GRID2: variants seen among roughly 807,000 people sequenced by gnomAD.
The protein encoded by GRID2 is glutamate receptor ionotropic, delta-2.
Under a neutral mutation model 114.8 loss-of-function variants are expected in GRID2, and 33 were observed. That is an observed-to-expected ratio of 0.29 (90% CI 0.22 to 0.38). GRID2 has a LOEUF of 0.38. GRID2 is among the 10% of genes least tolerant of loss of function. The probability of loss-of-function intolerance (pLI) is 1.00; values close to 1 mark genes in which losing one functional copy is unlikely to be tolerated. For synonymous variants in GRID2, 505 were observed against 449.9 expected (o/e 1.12, Z -1.55); for missense variants, 1,184 against 1,257.7 (o/e 0.94, Z 0.89).
intron 14 of GRID2, among the ~76,000 whole-genome samples, chr4:93,762,798 C>T (rs1353292022): frequency 6.6e-6 from 1 of 152,102 alleles, no homozygotes; most frequent in Non-Finnish European, 1.5e-5. Context: ...CCCAGGCCTC[C>T]CTTTCTTTCC....
At chr4:93,756,131 A>T (rs1310905212) in intron 14 of GRID2, among the ~76,000 whole-genome samples, 1 of 152,214 alleles carries the variant, frequency 6.6e-6, no homozygotes, top group African/African-American at 2.4e-5. Context: ...CCTAGTTTTT[A>T]AAAACATCTT....
chr4:92,387,699 G>A (rs1579281662), intron 1 of GRID2, among the ~76,000 whole-genome samples: 2 of 152,072 alleles, frequency 1.3e-5, no homozygotes, highest in African/African-American at 4.8e-5. Flanking sequence ...TAATAATTCA[G>A]AAGCCATTAC....
chr4:92,889,946 C>CACACA (rs1746638623), intron 2 of GRID2, among the ~76,000 whole-genome samples: 1 of 152,090 alleles, frequency 6.6e-6, no homozygotes, highest in Non-Finnish European at 1.5e-5. Context: ...GAACAGAGGC[C>CACACA]TCAGAAATAA....
rs967841967 is a variant in GRID2 at position 92,304,251 on chromosome 4, C to T, written c.-406C>T. ...CCGAGAGGGTGCGGGGAAGGGGGCACATCCGGCGTGAGGGGGGTGTTGGAA... is the reference window on the plus strand; with the variant it reads ...CCGAGAGGGTGCGGGGAAGGGGGCATATCCGGCGTGAGGGGGGTGTTGGAA... On this transcript the variant is annotated 5_prime_UTR_variant, in exon 1 of 16. Transcript: ENST00000282020. 1.1e-4 allele frequency: 25 copies of T among 222,362 alleles called. No homozygotes were observed. The highest frequency in any genetic ancestry group is 1.6e-3 in the Middle Eastern group (1 of 608). 13.8% of individuals were successfully genotyped at this position (222,362 alleles called of 1,614,324 possible). A position where few individuals can be genotyped will look rare whatever the true frequency, so the allele number is the denominator to read the frequency against.
At chr4:93,186,186 G>T (rs1034488409) in intron 4 of GRID2, among the ~76,000 whole-genome samples, 2 of 152,074 alleles carry the variant, frequency 1.3e-5, no homozygotes, top group Non-Finnish European at 2.9e-5. Flanking sequence ...CTTTGCTATT[G>T]TGAATAGTGC....
intron 1 of GRID2, among the ~76,000 whole-genome samples, chr4:92,396,553 A>G (rs1730500402): frequency 6.6e-6 from 1 of 151,998 alleles, no homozygotes; most frequent in Non-Finnish European, 1.5e-5. Context: ...TGGCATATAC[A>G]ATGAAGATTA....
chr4:92,778,754 A>G (rs1392154663), intron 2 of GRID2, among the ~76,000 whole-genome samples: 1 of 152,136 alleles, frequency 6.6e-6, no homozygotes, highest in Non-Finnish European at 1.5e-5. Flanking sequence ...AGAACTAAGA[A>G]TTATGGTCAG....
chr4:93,451,907 T>C (rs539690578), intron 10 of GRID2, among the ~76,000 whole-genome samples: 1 of 152,264 alleles, frequency 6.6e-6, no homozygotes, highest in East Asian at 1.9e-4. Context: ...ATAAGTATGA[T>C]GTTGGCCATG....
chr4:93,120,653 T>A (rs1733694534), intron 4 of GRID2, among the ~76,000 whole-genome samples: 1 of 151,912 alleles, frequency 6.6e-6, no homozygotes, highest in Admixed American at 6.6e-5. Flanking sequence ...CATGCAGAGC[T>A]TAAAACATAG....
intron 8 of GRID2, among the ~76,000 whole-genome samples, chr4:93,240,211 C>G (rs1458420379): frequency 6.6e-6 from 1 of 151,584 alleles, no homozygotes; most frequent in Non-Finnish European, 1.5e-5. Context: ...CAGATAACAT[C>G]AAACCCATTT....
At chr4:93,209,312 A>T (rs568408324) in intron 5 of GRID2, among the ~76,000 whole-genome samples, 5 of 152,036 alleles carry the variant, frequency 3.3e-5, no homozygotes, top group Admixed American at 2.6e-4. Flanking sequence ...ATATGTTTTC[A>T]TCATTTAGCT....
At chr4:93,302,456 A>G (rs1020414582) in intron 8 of GRID2, 2 of 410,270 alleles carry the variant, frequency 4.9e-6, no homozygotes, top group African/African-American at 2.0e-5. Context: ...GTTATGCCCC[A>G]TCACTAACAG....
rs181118898 is a variant in GRID2 at position 92,304,313 on chromosome 4, C to T, written c.-344C>T. 1.6e-3 allele frequency: 427 copies of T among 261,778 alleles called. 3 individuals carry two copies. Among genetic ancestry groups the T allele is most frequent in the African/African-American group, 9.2e-3 (397 of 43,324 alleles). The allele number at this position is 261,778 out of a possible 1,614,324, so 16.2% of individuals were successfully genotyped here. A position where few individuals can be genotyped will look rare whatever the true frequency, so the allele number is the denominator to read the frequency against. ...GCTGGGACCGGAGACCCGCGGCCCC[C>T]GCGCAGCGATGGGTCTGATCTGAGC... On this transcript the variant is annotated 5_prime_UTR_variant, in exon 1 of 16. Transcript: ENST00000282020.
intron 2 of GRID2, among the ~76,000 whole-genome samples, chr4:92,842,963 G>C (rs370256270): frequency 6.6e-6 from 1 of 152,122 alleles, no homozygotes; most frequent in African/African-American, 2.4e-5. Flanking sequence ...TTAAAGCCAG[G>C]CATGGTGTTT....
chr4:93,392,881 G>T (rs1579932784), intron 8 of GRID2, among the ~76,000 whole-genome samples: 1 of 151,958 alleles, frequency 6.6e-6, no homozygotes, highest in East Asian at 1.9e-4. Context: ...GTATATATGT[G>T]ATCTTAATGA....
chr4:93,061,766 T>G (rs758809579), intron 2 of GRID2, among the ~76,000 whole-genome samples: 1 of 152,042 alleles, frequency 6.6e-6, no homozygotes, highest in Non-Finnish European at 1.5e-5. Context: ...CTAGAACACA[T>G]TTTGCTTTTT....
At chr4:92,822,232 C>A in intron 2 of GRID2, 1 of 532,874 alleles carries the variant, frequency 1.9e-6, no homozygotes, top group Non-Finnish European at 3.7e-6. Context: ...ATATTCCCAC[C>A]ACATAGCATA....
chr4:92,355,720 A>T (rs1204205738), intron 1 of GRID2, among the ~76,000 whole-genome samples: 1 of 151,846 alleles, frequency 6.6e-6, no homozygotes, highest in East Asian at 1.9e-4. Context: ...AAATATAGAG[A>T]AGTTTTAAGA....
In GRID2 at chr4:93,493,886, T is replaced by C. The variant is rs1038054192; in HGVS notation, c.1997+3109T>C. 3.3e-5 allele frequency among the ~76,000 whole-genome samples: 5 copies of C among 151,912 alleles called. No homozygotes were observed. In the South Asian group the frequency reaches 1.0e-3, roughly 31 times the overall value. ...CAATGCCAACTGGCATTATTAAAAGTCATCAGTGGGTATAATAAATCTCTA... is the reference window on the plus strand; with the variant it reads ...CAATGCCAACTGGCATTATTAAAAGCCATCAGTGGGTATAATAAATCTCTA... On this transcript the variant is annotated intron_variant, in intron 12 of 15. Transcript: ENST00000282020.
Sources: gnomAD v4.1 joint callset for allele counts (sites outside exome capture counted in the v4.1 genomes callset) on GRCh38, gnomAD v4.1.1 for gene constraint, MANE v1.5 for transcripts, NCBI Gene and HGNC (gene_info 2026-07-23, HGNC 2026-07-21) for gene names.